GLYATL1: variants seen among roughly 807,000 people sequenced by gnomAD.
GLYATL1 encodes the protein glycine-N-acyltransferase like 1.
In GLYATL1, 15 loss-of-function variants were observed where a neutral mutation model predicts 20.0. That is an observed-to-expected ratio of 0.75 (90% CI 0.50 to 1.15). GLYATL1 has a LOEUF of 1.15. Among genes scored for constraint, GLYATL1 ranks in the 50% most tolerant of loss-of-function variants. The pLI is 0.00. For missense variants in GLYATL1, 380 were observed against 368.5 expected (o/e 1.03, Z -0.26); for synonymous variants, 151 against 131.5 (o/e 1.15, Z -1.01).
At chr11:58,910,324 C>A (rs1855008957), downstream of GLYATL1, among the ~76,000 whole-genome samples, 3 of 152,144 alleles carry the variant, frequency 2.0e-5, no homozygotes, top group Non-Finnish European at 4.4e-5. Context: ...TTCTTCAACT[C>A]ACTTTAGACT....
chr11:58,918,110 C>T (rs1185777747), intron 1 of GLYATL1, among the ~76,000 whole-genome samples: 1 of 152,140 alleles, frequency 6.6e-6, no homozygotes, highest in Non-Finnish European at 1.5e-5. Flanking sequence ...TAGTTAGAGC[C>T]ATTAGTTGAG....
At position 58,932,673 on chromosome 11, in the gene GLYATL1, T is replaced by A. The variant is rs907307964; in HGVS notation, c.-212+4844T>A. ...AGAATTTCATCAACTACAATGAACCTCAAAAAAGTAGTGCAAATCACAGAA... is the reference window on the plus strand; with the variant it reads ...AGAATTTCATCAACTACAATGAACCACAAAAAAGTAGTGCAAATCACAGAA... On this transcript the variant is annotated intron_variant, in intron 1 of 7. Transcript: ENST00000317391. Among the ~76,000 whole-genome samples, 11 of 152,194 alleles carry A rather than the reference T, an allele frequency of 7.2e-5. 1 individual carries two copies. The highest frequency in any genetic ancestry group is 1.5e-5 in the Non-Finnish European group (1 of 68,018).
chr11:58,945,725 A>T (rs1856523176), intron 2 of GLYATL1, among the ~76,000 whole-genome samples: 1 of 152,210 alleles, frequency 6.6e-6, no homozygotes, highest in Non-Finnish European at 1.5e-5. Context: ...TGGGGGGAAG[A>T]AAAAGACCAT....
At chr11:58,951,733 TAA>T (rs1237942255) in intron 4 of GLYATL1, among the ~76,000 whole-genome samples, 1 of 152,178 alleles carries the variant, frequency 6.6e-6, no homozygotes, top group East Asian at 1.9e-4. Flanking sequence ...ATTTTTCCAT[TAA>T]GTTTACCCTT....
chr11:58,943,137 G>A, intron 1 of GLYATL1: 1 of 836,326 alleles, frequency 1.2e-6, no homozygotes, highest in Non-Finnish European at 1.7e-6. Flanking sequence ...TACAGCCTGA[G>A]AAGGACTCTG....
chr11:58,946,033 T>A (rs1344949989), intron 2 of GLYATL1, among the ~76,000 whole-genome samples: 1 of 152,244 alleles, frequency 6.6e-6, no homozygotes, highest in Non-Finnish European at 1.5e-5. Flanking sequence ...GTTAACTGAT[T>A]TGCAAATGAT....
At chr11:58,939,847 G>A (rs1445654439) in intron 1 of GLYATL1, among the ~76,000 whole-genome samples, 197 bp downstream of exon 1, 3 of 152,130 alleles carry the variant, frequency 2.0e-5, no homozygotes, top group Non-Finnish European at 2.9e-5. Context: ...TCTTTTGTGG[G>A]TACTAGATAG....
At chr11:58,934,217 C>G (rs1044536217) in intron 1 of GLYATL1, 1 of 153,250 alleles carries the variant, frequency 6.5e-6, no homozygotes, top group African/African-American at 2.4e-5. Flanking sequence ...TCTTGGTAGA[C>G]GGGGGCAGAC....
At chr11:58,954,133 C>T (rs1381040283) in intron 4 of GLYATL1, among the ~76,000 whole-genome samples, 1 of 152,204 alleles carries the variant, frequency 6.6e-6, no homozygotes, top group African/African-American at 2.4e-5. Context: ...ACTAAAGTAT[C>T]TTGCTCAAGC....
chr11:58,924,685 G>T (rs80355868), upstream of GLYATL1, among the ~76,000 whole-genome samples: 2,133 of 152,254 alleles, frequency 0.014, 54 homozygotes, highest in African/African-American at 0.042. Flanking sequence ...CCTAGAATTA[G>T]CAAATAATAC....
At chr11:58,954,706 G>A in intron 4 of GLYATL1, 64 bp from the exon 5 acceptor site, 1 of 1,455,040 alleles carries the variant, frequency 6.9e-7, no homozygotes, top group Non-Finnish European at 9.2e-7. Flanking sequence ...TCTGATAATT[G>A]CAACCAGTGA....
rs1470975489 is a variant in GLYATL1, at chr11:58,955,741, C to T, written c.623C>T (p.Ala208Val). Residue 208 changes from alanine to valine, a missense_variant, in exon 7 of 7, where the codon GCC becomes GTC. By Grantham distance (64) the Ala-to-Val change is moderately conservative. Transcript: ENST00000532726. The part of the protein sequence containing the change: ...IKRCIEDLPA[A>V]CMLGPEGVPV... ...CGCTGCATAGAAGACCTGCCAGCAG[C>T]CTGTATGCTCGGCCCAGAGGGAGTC... 6.2e-7 allele frequency: 1 copy of T among 1,614,210 alleles called. No homozygotes were observed.
rs142351532 is a variant in GLYATL1 at position 58,956,053 on chromosome 11, G to A, written c.*26G>A. 6,272 of 1,582,750 alleles carry A rather than the reference G, an allele frequency of 4.0e-3. 156 individuals are homozygous for A. The South Asian group carries it at 0.041, about 10-fold the overall frequency. ...ACAATGAAGCTGCTTAGTAATCTCTGCCAAGCCATCTCTTAATATTAAAGC... is the reference window on the plus strand; with the variant it reads ...ACAATGAAGCTGCTTAGTAATCTCTACCAAGCCATCTCTTAATATTAAAGC... On this transcript the variant is annotated 3_prime_UTR_variant, in exon 7 of 7. Transcript: ENST00000532726.
At position 58,955,650 on chromosome 11, in the gene GLYATL1, T is replaced by C; in HGVS notation, c.532T>C (p.Tyr178His). 1.2e-6 allele frequency: 2 copies of C among 1,614,164 alleles called. No homozygotes were observed. Among genetic ancestry groups the C allele is most frequent in the South Asian group, 1.1e-5 (1 of 91,084 alleles). ...TAAGTATGCCCAGCTGGATGTCTCT[T>C]ATTCTGGGCTGGTAAATGACAACTG... is the stretch of plus-strand genomic sequence containing the variant. ...NFKYAQLDVS[Y>H]SGLVNDNWKR... is the part of the protein sequence containing the mutation. Residue 178 changes from tyrosine (Y) to histidine (H), a missense_variant, in exon 7 of 7, where the codon TAT becomes CAT. Physicochemically the swap from Tyr to His is moderately conservative, Grantham distance 83 (BLOSUM62 2). Coordinates refer to ENST00000532726, the MANE Select transcript of GLYATL1 (RefSeq NM_001389712.2).
chr11:58,913,558 G>C (rs1356734499), downstream of GLYATL1, among the ~76,000 whole-genome samples: 2 of 152,130 alleles, frequency 1.3e-5, no homozygotes, highest in African/African-American at 4.8e-5. Context: ...CTACTTGCCT[G>C]GTATGTCACA....
chr11:58,949,006 CTGT>C (rs1856783269), intron 4 of GLYATL1, among the ~76,000 whole-genome samples: 1 of 152,150 alleles, frequency 6.6e-6, no homozygotes, highest in African/African-American at 2.4e-5. Flanking sequence ...AAATGAGATA[CTGT>C]ATGTTAAACA....
chr11:58,929,549 T>G (rs1855524378), intron 1 of GLYATL1, among the ~76,000 whole-genome samples: 1 of 152,210 alleles, frequency 6.6e-6, no homozygotes, highest in Non-Finnish European at 1.5e-5. Context: ...TTTTCCCTAT[T>G]GCTGAGCCAA....
chr11:58,922,470 T>A (rs1195539633), intron 1 of GLYATL1, among the ~76,000 whole-genome samples: 5 of 152,164 alleles, frequency 3.3e-5, no homozygotes, highest in African/African-American at 1.2e-4. Context: ...GGCATTTGCA[T>A]AACTCAGGTG....
chr11:58,911,810 T>A (rs185902296), downstream of GLYATL1, among the ~76,000 whole-genome samples: 45 of 152,318 alleles, frequency 3.0e-4, no homozygotes, highest in Non-Finnish European at 4.9e-4. Context: ...GAGGGAAAAG[T>A]TTTCAATTTT....
Sources: gnomAD v4.1 joint callset for allele counts (sites outside exome capture counted in the v4.1 genomes callset) on GRCh38, gnomAD v4.1.1 for gene constraint, MANE v1.5 for transcripts, NCBI Gene and HGNC (gene_info 2026-07-23, HGNC 2026-07-21) for gene names.